SLC16A7: variants seen among roughly 807,000 people sequenced by gnomAD.
SLC16A7 encodes solute carrier family 16 member 7, also known as monocarboxylate transporter 2.
In SLC16A7, 33 loss-of-function variants were observed where a neutral mutation model predicts 34.9. The ratio of observed to expected loss-of-function variants is 0.94; its 90% CI spans 0.72 to 1.26. The LOEUF (loss-of-function observed/expected upper bound fraction) is 1.26. SLC16A7 is among the 50% of genes most tolerant of loss of function. The pLI is 0.00. For synonymous variants in SLC16A7, 201 were observed against 206.6 expected (o/e 0.97, Z 0.23); for missense variants, 573 against 578.1 (o/e 0.99, Z 0.09).
At chr12:59,633,510 A>C (rs1459906035) in intron 1 of SLC16A7, among the ~76,000 whole-genome samples, 3 of 151,946 alleles carry the variant, frequency 2.0e-5, no homozygotes, top group Non-Finnish European at 2.9e-5. Context: ...GTGGTGCTTC[A>C]TTTTTTTGCC....
chr12:59,740,614 G>T (rs1353256147), intron 3 of SLC16A7, among the ~76,000 whole-genome samples: 1 of 152,052 alleles, frequency 6.6e-6, no homozygotes, highest in Non-Finnish European at 1.5e-5. Flanking sequence ...ATACTGAATG[G>T]GCAAAAACTG....
intron 3 of SLC16A7, among the ~76,000 whole-genome samples, chr12:59,739,617 A>G (rs1208104745): frequency 1.3e-5 from 2 of 150,348 alleles, no homozygotes; most frequent in African/African-American, 4.9e-5. Context: ...AGGAATCGCC[A>G]CACTGTCTTC....
Position 59,783,137 on chromosome 12 carries a change from A to T in SLC16A7, c.*3458A>T, listed in dbSNP as rs138612526. On this transcript the variant is annotated 3_prime_UTR_variant, in exon 6 of 6. Coordinates refer to ENST00000547379, the MANE Select transcript of SLC16A7 (RefSeq NM_001270623.2). ...AGAGATATTCTTGGTCAGTTGGTTG[A>T]AACATTTTTTATCTAAAACACCTTT... is the stretch of plus-strand genomic sequence containing the variant. The T allele has an allele frequency of 1.4e-3, 212 of 152,310 alleles. 1 individual carries two copies. Among genetic ancestry groups the T allele is most frequent in the Middle Eastern group, 6.8e-3 (2 of 294 alleles). 9.4% of individuals were successfully genotyped at this position (152,310 alleles called of 1,614,324 possible). A position where few individuals can be genotyped will look rare whatever the true frequency, so the allele number is the denominator to read the frequency against.
intron 1 of SLC16A7, among the ~76,000 whole-genome samples, chr12:59,605,190 C>T (rs1878879698): frequency 6.6e-6 from 1 of 152,068 alleles, no homozygotes; most frequent in South Asian, 2.1e-4. Flanking sequence ...GAGTTTGGGT[C>T]TGTTACAACA....
rs908918514 is a variant in SLC16A7, at chr12:59,781,958, C to G, written c.*2279C>G. 1 of 152,136 alleles carries G rather than the reference C, an allele frequency of 6.6e-6. No individual in the cohort carries two copies. Among genetic ancestry groups the G allele is most frequent in the African/African-American group, 2.4e-5 (1 of 41,436 alleles). 9.4% of individuals were successfully genotyped at this position (152,136 alleles called of 1,614,324 possible). Reference sequence around the variant, plus strand: ...TAGAGACATCCTCCTGGGTGCATTTCAGTGGCCTTCTCCAGGGAGGAGGTT... The same window carrying G: ...TAGAGACATCCTCCTGGGTGCATTTGAGTGGCCTTCTCCAGGGAGGAGGTT... On this transcript the variant is annotated 3_prime_UTR_variant, in exon 6 of 6. Coordinates refer to ENST00000547379, the MANE Select transcript of SLC16A7 (RefSeq NM_001270623.2).
intron 3 of SLC16A7, among the ~76,000 whole-genome samples, chr12:59,754,962 C>T (rs377636358): frequency 1.3e-5 from 2 of 152,040 alleles, no homozygotes; most frequent in Non-Finnish European, 2.9e-5. Context: ...TATACGCAAA[C>T]CAATAAATGT....
intron 2 of SLC16A7, among the ~76,000 whole-genome samples, chr12:59,663,524 T>C (rs1868967267): frequency 6.6e-6 from 1 of 152,060 alleles, no homozygotes; most frequent in African/African-American, 2.4e-5. Flanking sequence ...CAAATAAATG[T>C]ATTGAACACT....
chr12:59,723,918 G>A (rs929832988), intron 3 of SLC16A7, among the ~76,000 whole-genome samples: 1 of 151,734 alleles, frequency 6.6e-6, no homozygotes, highest in African/African-American at 2.4e-5. Flanking sequence ...CTTATAGTTA[G>A]TGAATATTTT....
rs182975006 is a variant in SLC16A7, at chr12:59,599,792, C to T, written c.-130+3556C>T. Among the ~76,000 whole-genome samples the T allele has an allele frequency of 4.3e-4, 66 of 152,294 alleles. 1 individual carries two copies. Among genetic ancestry groups the T allele is most frequent in the African/African-American group, 1.5e-3 (63 of 41,560 alleles). ...TCCACATCTTGAAGTAATCTGTGTT[C>T]ATCTGAACTACTTCGTAACTTGATC... On this transcript the variant is annotated intron_variant, in intron 1 of 5. Transcript: ENST00000547379.
At chr12:59,704,624 G>A in intron 2 of SLC16A7, 148 bp from the exon 3 acceptor site, 3 of 516,874 alleles carry the variant, frequency 5.8e-6, no homozygotes, top group Middle Eastern at 5.1e-4. Flanking sequence ...TACATTTTCT[G>A]GTAATTTTCT....
rs553549414 is a variant in SLC16A7, at chr12:59,626,455, A to G, written c.-129-28697A>G. On this transcript the variant is annotated intron_variant, in intron 1 of 5. Transcript: ENST00000547379. ...ACCAGTGCTTTCATTGATTCATCTC[A>G]TTAATCCAGTGAGGTGGACTAATGC... 6.6e-5 allele frequency among the ~76,000 whole-genome samples: 10 copies of G among 151,948 alleles called. No individual in the cohort carries two copies. In the East Asian group the frequency reaches 1.9e-3, roughly 30 times the overall value.
At chr12:59,720,070 A>T in intron 3 of SLC16A7, 1 of 699,342 alleles carries the variant, frequency 1.4e-6, no homozygotes, top group South Asian at 1.5e-5. Context: ...TTCTTTTCTA[A>T]TTCTTCAGGT....
intron 1 of SLC16A7, among the ~76,000 whole-genome samples, chr12:59,618,175 T>C (rs1042461962): frequency 7.2e-5 from 11 of 152,054 alleles, no homozygotes; most frequent in Non-Finnish European, 1.0e-4. Context: ...CTTATATTGC[T>C]ACACTGCTTA....
At chr12:59,674,967 A>G (rs931863148) in intron 2 of SLC16A7, among the ~76,000 whole-genome samples, 3 of 152,168 alleles carry the variant, frequency 2.0e-5, no homozygotes, top group Non-Finnish European at 2.9e-5. Context: ...GGTGTCTCAT[A>G]AAGTGGTAGG....
intron 1 of SLC16A7, among the ~76,000 whole-genome samples, chr12:59,603,494 G>A (rs1327582840): frequency 6.6e-6 from 1 of 152,048 alleles, no homozygotes; most frequent in Non-Finnish European, 1.5e-5. Context: ...AACGTCCTAC[G>A]ATTTCTAGCT....
chr12:59,629,977 T>A (rs1237485467), intron 1 of SLC16A7, among the ~76,000 whole-genome samples: 1 of 151,920 alleles, frequency 6.6e-6, no homozygotes, highest in African/African-American at 2.4e-5. Flanking sequence ...ACACCATTTT[T>A]AAATCTTTGT....
intron 2 of SLC16A7, among the ~76,000 whole-genome samples, chr12:59,690,353 G>T (rs940554354): frequency 2.6e-5 from 4 of 151,994 alleles, no homozygotes; most frequent in Non-Finnish European, 4.4e-5. Flanking sequence ...TATATTTTCT[G>T]AGTTCTTAGC....
At chr12:59,720,108 C>T (rs1875396099) in intron 3 of SLC16A7, 4 of 699,478 alleles carry the variant, frequency 5.7e-6, no homozygotes, top group Non-Finnish European at 1.0e-5. Flanking sequence ...GCTGTATATT[C>T]CATCAGTTGA....
At position 59,754,663 on chromosome 12, in the gene SLC16A7, A is replaced by G. The variant is rs1880066215; in HGVS notation, c.218-16556A>G. Among the ~76,000 whole-genome samples, 3 of 152,180 alleles carry G rather than the reference A, an allele frequency of 2.0e-5. No individual in the cohort carries two copies. The South Asian group carries it at 6.2e-4, about 32-fold the overall frequency. On this transcript the variant is annotated intron_variant, in intron 3 of 5. Coordinates refer to ENST00000547379, the MANE Select transcript of SLC16A7 (RefSeq NM_001270623.2). ...CCAGGACCAGATGGATTCACAGCCG[A>G]ATTCTACCAGAGGTACAAGGAGGAA...
Sources: gnomAD v4.1 joint callset for allele counts (sites outside exome capture counted in the v4.1 genomes callset) on GRCh38, gnomAD v4.1.1 for gene constraint, MANE v1.5 for transcripts, NCBI Gene and HGNC (gene_info 2026-07-23, HGNC 2026-07-21) for gene names.